The following UGT1A8 variants were observed in gnomAD, a reference collection of about 807,000 sequenced individuals.
The protein encoded by UGT1A8 is UDP-glucuronosyltransferase 1A8.
Under a neutral mutation model 45.3 loss-of-function variants are expected in UGT1A8, and 39 were observed. The ratio of observed to expected loss-of-function variants is 0.86; its 90% CI spans 0.67 to 1.12. The LOEUF (loss-of-function observed/expected upper bound fraction) is 1.12. Among genes scored for constraint, UGT1A8 ranks in the 50% most tolerant of loss-of-function variants. UGT1A8 has a pLI of 0.00. For missense variants in UGT1A8, 719 were observed against 664.9 expected (o/e 1.08, Z -0.90); for synonymous variants, 275 against 249.2 (o/e 1.10, Z -0.97).
In UGT1A8 at chr2:233,637,032, G is replaced by T. The variant is rs145709362; in HGVS notation, c.855+18470G>T. ...CCCTCCCCTCTGTGGTCTTCACCAG[G>T]GGAATATTTTGCCACCATCTTGAAG... On this transcript the variant is annotated intron_variant, in intron 1 of 4. Transcript: ENST00000373450. 8.1e-6 allele frequency: 13 copies of T among 1,613,820 alleles called. No individual in the cohort carries two copies. The African/African-American group carries it at 1.7e-4, about 22-fold the overall frequency.
chr2:233,679,950 T>C (rs1470345230), intron 1 of UGT1A8, among the ~76,000 whole-genome samples: 1 of 152,198 alleles, frequency 6.6e-6, no homozygotes, highest in Non-Finnish European at 1.5e-5. Context: ...ATGCGAGGTT[T>C]GGCTCCTGCT....
In UGT1A8 at chr2:233,617,903, C is replaced by T; in HGVS notation, c.196C>T (p.Leu66=). ...VVVMPEVSWQ[L]GKSLNCTVKT... Reference sequence around the variant, plus strand: ...AGTCATGCCAGAGGTGAGTTGGCAACTGGGAAAATCACTGAATTGCACAGT... The same window carrying T: ...AGTCATGCCAGAGGTGAGTTGGCAATTGGGAAAATCACTGAATTGCACAGT... Residue 66 remains leucine (L), a synonymous_variant, in exon 1 of 5, where the codon CTG becomes TTG. Coordinates refer to ENST00000373450, the MANE Select transcript of UGT1A8 (RefSeq NM_019076.5). The T allele has an allele frequency of 1.2e-6, 2 of 1,614,140 alleles. No homozygotes were observed. Among genetic ancestry groups the T allele is most frequent in the Non-Finnish European group, 1.7e-6 (2 of 1,180,034 alleles).
At chr2:233,747,074 A>T (rs1478196307) in intron 1 of UGT1A8, 1 of 1,039,396 alleles carries the variant, frequency 9.6e-7, no homozygotes, top group Non-Finnish European at 1.3e-6. Flanking sequence ...GGTAATAATT[A>T]ACTAGGAGGA....
chr2:233,624,675 C>T (rs2073063064), intron 1 of UGT1A8, among the ~76,000 whole-genome samples: 1 of 152,042 alleles, frequency 6.6e-6, no homozygotes, highest in Non-Finnish European at 1.5e-5. Flanking sequence ...AGGTCTGCTA[C>T]ATTACCACAT....
intron 1 of UGT1A8, among the ~76,000 whole-genome samples, chr2:233,705,628 G>T (rs1440329298): frequency 6.6e-6 from 1 of 152,194 alleles, no homozygotes; most frequent in Non-Finnish European, 1.5e-5. Context: ...TGAGTTGACA[G>T]TTCTAGGAAG....
intron 1 of UGT1A8, among the ~76,000 whole-genome samples, chr2:233,664,040 T>C (rs1218196901): frequency 6.6e-6 from 1 of 152,134 alleles, no homozygotes; most frequent in African/African-American, 2.4e-5. Context: ...ATACCCTAGG[T>C]CATCACTCTC....
At chr2:233,626,218 G>A (rs2073081813) in intron 1 of UGT1A8, among the ~76,000 whole-genome samples, 2 of 152,002 alleles carry the variant, frequency 1.3e-5, no homozygotes, top group African/African-American at 2.4e-5. Flanking sequence ...TTTAGTTTCA[G>A]TGCCCATAAG....
At chr2:233,760,509 C>T (rs72551340) in intron 1 of UGT1A8, 1 of 1,614,154 alleles carries the variant, frequency 6.2e-7, no homozygotes, top group African/African-American at 1.3e-5. Flanking sequence ...GAGCATTTTA[C>T]ACCTTGAAGA....
At chr2:233,717,819 G>T in intron 1 of UGT1A8, 1 of 455,582 alleles carries the variant, frequency 2.2e-6, no homozygotes, top group Non-Finnish European at 4.4e-6. Flanking sequence ...TATGCAGCCC[G>T]TTCTGTTCTG....
intron 1 of UGT1A8, among the ~76,000 whole-genome samples, chr2:233,642,121 A>T (rs1277529283): frequency 6.6e-6 from 1 of 152,026 alleles, no homozygotes; most frequent in East Asian, 1.9e-4. Context: ...CTCTACCTCC[A>T]CTTTATGGGC....
chr2:233,742,647 G>A (rs1292075508), intron 1 of UGT1A8: 1 of 152,020 alleles, frequency 6.6e-6, no homozygotes, highest in African/African-American at 2.4e-5. Context: ...GTATACCACC[G>A]ACCAACCATG....
At chr2:233,622,558 G>A (rs2073028164) in intron 1 of UGT1A8, among the ~76,000 whole-genome samples, 1 of 152,130 alleles carries the variant, frequency 6.6e-6, no homozygotes, top group South Asian at 2.1e-4. Context: ...CATATCCTTT[G>A]CCCACTTTTG....
intron 1 of UGT1A8, among the ~76,000 whole-genome samples, chr2:233,761,874 G>A (rs569608885): frequency 2.0e-5 from 3 of 152,320 alleles, no homozygotes; most frequent in East Asian, 1.9e-4. Context: ...TTCAGAGAGC[G>A]TTCATTCACT....
Position 233,638,743 on chromosome 2 carries a change from T to C in UGT1A8, c.855+20181T>C, listed in dbSNP as rs553902235. On this transcript the variant is annotated intron_variant, in intron 1 of 4. Transcript: ENST00000373450. The stretch of plus-strand genomic sequence containing the variant: ...GATTCAGTAGACTTTGTAACACAGT[T>C]ATATCTGTCATTGGCAGATGGTTGG... Among the ~76,000 whole-genome samples, 16 of 152,314 alleles carry C rather than the reference T, an allele frequency of 1.1e-4. No homozygotes were observed. In the South Asian group the frequency reaches 3.1e-3, roughly 30 times the overall value.
rs879747694 is a variant in UGT1A8, at chr2:233,619,417, G to C, written c.855+855G>C. Among the ~76,000 whole-genome samples, 3 of 152,096 alleles carry C rather than the reference G, an allele frequency of 2.0e-5. No individual in the cohort carries two copies. In the East Asian group the frequency reaches 5.8e-4, roughly 29 times the overall value. ...AAACATTCTTTAATAATTTCCTTGT[G>C]TGAATATATTTCTATATTCTTGCTT... On this transcript the variant is annotated intron_variant, in intron 1 of 4. Coordinates refer to ENST00000373450, the MANE Select transcript of UGT1A8 (RefSeq NM_019076.5).
intron 1 of UGT1A8, among the ~76,000 whole-genome samples, chr2:233,748,465 C>G (rs987593580): frequency 6.6e-6 from 1 of 151,790 alleles, no homozygotes; most frequent in African/African-American, 2.4e-5. Context: ...AAAGATGATG[C>G]AACAGCAAAT....
intron 1 of UGT1A8, among the ~76,000 whole-genome samples, chr2:233,725,714 T>C (rs572434706): frequency 1.3e-5 from 2 of 152,238 alleles, no homozygotes; most frequent in East Asian, 3.8e-4. Flanking sequence ...GTGACTACCA[T>C]ATGGTCAATG....
intron 1 of UGT1A8, among the ~76,000 whole-genome samples, chr2:233,763,438 G>A (rs1487731202): frequency 6.6e-6 from 1 of 152,146 alleles, no homozygotes; most frequent in African/African-American, 2.4e-5. Context: ...GCTTTAATAA[G>A]TGCATTTTGC....
chr2:233,687,252 A>T (rs2074829150), intron 1 of UGT1A8, among the ~76,000 whole-genome samples: 1 of 152,196 alleles, frequency 6.6e-6, no homozygotes, highest in African/African-American at 2.4e-5. Flanking sequence ...AAGATTAATG[A>T]TCTTAACCAT....
Sources: gnomAD v4.1 joint callset for allele counts (sites outside exome capture counted in the v4.1 genomes callset) on GRCh38, gnomAD v4.1.1 for gene constraint, MANE v1.5 for transcripts, NCBI Gene and HGNC (gene_info 2026-07-23, HGNC 2026-07-21) for gene names.